Variants in PAX3 observed in about 807,000 individuals in gnomAD.
PAX3 encodes paired box protein Pax-3.
PAX3 carries 14 observed loss-of-function variants against 51.6 expected under a neutral mutation model. That is an observed-to-expected ratio of 0.27 (90% CI 0.18 to 0.42). The LOEUF is 0.42. Among genes scored for constraint, PAX3 ranks in the 10% least tolerant of loss-of-function variants. The pLI is 1.00. For missense variants in PAX3, 540 were observed against 642.8 expected, an observed-to-expected ratio of 0.84 and a Z score of 1.73; for synonymous variants, 280 against 253.4, an observed-to-expected ratio of 1.11 and a Z score of -1.00.
Position 222,284,817 on chromosome 2 carries a change from C to T in PAX3, c.586+9350G>A, listed in dbSNP as rs897884345. Among the ~76,000 whole-genome samples, 5 of 152,208 alleles carry T rather than the reference C, an allele frequency of 3.3e-5. 1 individual carries two copies. Among genetic ancestry groups the T allele is most frequent in the African/African-American group, 1.2e-4 (5 of 41,448 alleles). The stretch of plus-strand genomic sequence containing the variant: ...AATTTGCACATAATATGCACCTTCT[C>T]ATTTCATTCTCACAGAATCCTGGAA... On this transcript the variant is annotated intron_variant, in intron 4 of 8. Transcript: ENST00000392070.
intron 4 of PAX3, among the ~76,000 whole-genome samples, chr2:222,283,298 G>C (rs748645636): frequency 3.9e-5 from 6 of 152,136 alleles, no homozygotes; most frequent in Non-Finnish European, 7.3e-5. Flanking sequence ...ATTGTAGGTA[G>C]GGTACCATTT....
At chr2:222,222,475 T>C (rs535007193) in intron 5 of PAX3, among the ~76,000 whole-genome samples, 1 of 151,796 alleles carries the variant, frequency 6.6e-6, no homozygotes, top group African/African-American at 2.4e-5. Context: ...GGGATCTCAG[T>C]TCAACCCAAC....
At chr2:222,273,149 C>T (rs529431846) in intron 4 of PAX3, among the ~76,000 whole-genome samples, 4 of 152,274 alleles carry the variant, frequency 2.6e-5, no homozygotes, top group Admixed American at 2.0e-4. Context: ...ACCTTTCTTT[C>T]CTTTCTCTTC....
chr2:222,226,586 T>G (rs1479870159), intron 5 of PAX3, among the ~76,000 whole-genome samples: 11 of 151,982 alleles, frequency 7.2e-5, no homozygotes. Context: ...CTATCTGAAC[T>G]TCTGAACTAT....
Position 222,298,646 on chromosome 2 carries a change from C to A in PAX3, c.-31G>T. 6.3e-7 allele frequency: 1 copy of A among 1,577,684 alleles called. No homozygotes were observed. The highest frequency in any genetic ancestry group is 8.6e-7 in the Non-Finnish European group (1 of 1,160,132). On this transcript the variant is annotated 5_prime_UTR_variant, in exon 1 of 9. Coordinates refer to ENST00000392070, the MANE Select transcript of PAX3 (RefSeq NM_181458.4). ...GGGCAGCTTCGCTCGGAAATTATAT[C>A]CAGGTGAAGGCGAAACGGAAAGGCG...
chr2:222,240,375 T>C (rs1489635429), intron 4 of PAX3, among the ~76,000 whole-genome samples: 1 of 152,216 alleles, frequency 6.6e-6, no homozygotes, highest in Non-Finnish European at 1.5e-5. Context: ...ATTTTGAGTT[T>C]CAGGTGTGTG....
intron 7 of PAX3, 81 bp from the exon 8 acceptor site, chr2:222,202,271 C>T (rs1010591603): frequency 5.5e-6 from 6 of 1,082,264 alleles, no homozygotes; most frequent in Non-Finnish European, 8.3e-6. Flanking sequence ...AATAACTTGA[C>T]AGTCCAGTTT....
intron 7 of PAX3, among the ~76,000 whole-genome samples, chr2:222,207,152 TG>T (rs1468135083): frequency 5.3e-5 from 8 of 152,192 alleles, no homozygotes; most frequent in African/African-American, 1.9e-4. Context: ...TTTATCCAAA[TG>T]TTTTTTGCCA....
Position 222,298,669 on chromosome 2 carries a change from G to T in PAX3, c.-54C>A. The T allele has an allele frequency of 6.7e-7, 1 of 1,498,392 alleles. No homozygotes were observed. Among genetic ancestry groups the T allele is most frequent in the South Asian group, 1.2e-5 (1 of 83,400 alleles). 92.8% of individuals were successfully genotyped at this position (1,498,392 alleles called of 1,614,324 possible). On this transcript the variant is annotated 5_prime_UTR_variant, in exon 1 of 9. Transcript: ENST00000392070. ...ATCCAGGTGAAGGCGAAACGGAAAG[G>T]CGAGTGCGGCGCGGATGACCCTCGG...
chr2:222,248,818 T>G (rs1693318910), intron 4 of PAX3, among the ~76,000 whole-genome samples: 1 of 152,170 alleles, frequency 6.6e-6, no homozygotes, highest in South Asian at 2.1e-4. Flanking sequence ...GAAATGTCTT[T>G]GTGTGGTAAA....
At chr2:222,295,742 A>T (rs1193434834) in intron 2 of PAX3, 85 bp from the exon 3 acceptor site, 3 of 1,478,734 alleles carry the variant, frequency 2.0e-6, no homozygotes, top group African/African-American at 2.8e-5. Context: ...GCCTGTCGGG[A>T]TGCTCCTCGC....
At chr2:222,254,651 AAT>A (rs1693567788) in intron 4 of PAX3, among the ~76,000 whole-genome samples, 1 of 152,206 alleles carries the variant, frequency 6.6e-6, no homozygotes, top group Non-Finnish European at 1.5e-5. Flanking sequence ...AGAGTTAATA[AAT>A]GATTATTTCA....
intron 4 of PAX3, among the ~76,000 whole-genome samples, chr2:222,279,299 C>CTGTGCG (rs1157120375): frequency 2.3e-5 from 2 of 87,430 alleles, no homozygotes; most frequent in East Asian, 1.1e-3. Context: ...GAGTGCAAGC[C>CTGTGCG]TGTGCGTGTG....
chr2:222,294,761 C>A lies in PAX3; in HGVS notation c.452-460G>T, dbSNP rs1366511212. Reference sequence around the variant, plus strand: ...GAACCAAAGCCGACTTGTCCGCGCCCCCCCCCACCCCCCCGTAAATCAAGT... The same window carrying A: ...GAACCAAAGCCGACTTGTCCGCGCCACCCCCCACCCCCCCGTAAATCAAGT... On this transcript the variant is annotated intron_variant, in intron 3 of 8. Coordinates refer to ENST00000392070, the MANE Select transcript of PAX3 (RefSeq NM_181458.4). Among the ~76,000 whole-genome samples, 10 of 115,880 alleles carry A rather than the reference C, an allele frequency of 8.6e-5. No homozygotes were observed. The Admixed American group carries it at 8.8e-4, about 10-fold the overall frequency. 76.0% of individuals were successfully genotyped at this position (115,880 alleles called of 152,430 possible).
intron 4 of PAX3, among the ~76,000 whole-genome samples, chr2:222,277,505 C>A (rs554522814): frequency 1.1e-3 from 160 of 152,316 alleles, no homozygotes; most frequent in Middle Eastern, 6.8e-3. Flanking sequence ...ACAAATCAAG[C>A]CTGAGTGCCC....
chr2:222,238,366 T>C (rs1165752566), intron 4 of PAX3, among the ~76,000 whole-genome samples: 1 of 152,220 alleles, frequency 6.6e-6, no homozygotes, highest in African/African-American at 2.4e-5. Flanking sequence ...CTCAATTTTA[T>C]AGGGATTTAG....
chr2:222,215,817 A>G (rs557286510), intron 7 of PAX3, among the ~76,000 whole-genome samples: 2 of 152,284 alleles, frequency 1.3e-5, no homozygotes, highest in South Asian at 4.1e-4. Flanking sequence ...CATCAACAGA[A>G]CAGAAACTTT....
intron 4 of PAX3, among the ~76,000 whole-genome samples, chr2:222,253,470 C>T (rs915719581): frequency 6.6e-6 from 1 of 151,624 alleles, no homozygotes; most frequent in Non-Finnish European, 1.5e-5. Flanking sequence ...CTGAACAAAC[C>T]TAGGTGATGC....
At chr2:222,278,743 A>G (rs1182676448) in intron 4 of PAX3, among the ~76,000 whole-genome samples, 1 of 152,234 alleles carries the variant, frequency 6.6e-6, no homozygotes, top group African/African-American at 2.4e-5. Flanking sequence ...CAGTGAAGAC[A>G]GGATCTGCTG....
Sources: gnomAD v4.1 joint callset for allele counts (sites outside exome capture counted in the v4.1 genomes callset) on GRCh38, gnomAD v4.1.1 for gene constraint, MANE v1.5 for transcripts, NCBI Gene and HGNC (gene_info 2026-07-23, HGNC 2026-07-21) for gene names.